The following GNB1L variants were observed in gnomAD, a reference collection of about 807,000 sequenced individuals.
GNB1L encodes the protein G protein subunit beta 1 like, also known as guanine nucleotide-binding protein subunit beta-like protein 1.
Under a neutral mutation model 29.1 loss-of-function variants are expected in GNB1L, and 20 were observed. The observed-to-expected ratio is 0.69, with a 90% CI of 0.48 to 1.00. The LOEUF (loss-of-function observed/expected upper bound fraction) is 1.00, where lower values mean the gene tolerates loss of function less well. Ranked by LOEUF, GNB1L falls within the 50% of genes least tolerant of loss-of-function variation. The probability of loss-of-function intolerance (pLI) is 0.00; values close to 1 mark genes in which losing one functional copy is unlikely to be tolerated. For synonymous variants in GNB1L, 193 were observed against 206.5 expected (o/e 0.93, Z 0.56); for missense variants, 421 against 464.9 (o/e 0.91, Z 0.87).
intron 2 of GNB1L, among the ~76,000 whole-genome samples, chr22:19,824,400 G>A (rs879929605): frequency 1.3e-5 from 2 of 152,216 alleles, no homozygotes; most frequent in African/African-American, 2.4e-5. Context: ...CCCAGCCCCG[G>A]CCCTGTCCTC....
intron 7 of GNB1L, among the ~76,000 whole-genome samples, chr22:19,789,408 A>T (rs1053514902): frequency 2.6e-5 from 4 of 152,140 alleles, no homozygotes; most frequent in African/African-American, 9.7e-5. Context: ...TGAGAAATAC[A>T]AACTCCATTT....
In GNB1L at chr22:19,788,973, G is replaced by C; in HGVS notation, c.733-13C>G. On this transcript the variant is annotated splice_polypyrimidine_tract_variant and intron_variant, in intron 7 of 7. Coordinates refer to ENST00000329517, the MANE Select transcript of GNB1L (RefSeq NM_053004.3). ...GAGTCCCACGCACCTGTGAGAGTTG[G>C]GAGAGGTGTTAGGCCACTCCTTAAG... 1.3e-6 allele frequency: 2 copies of C among 1,590,674 alleles called. No individual in the cohort carries two copies. Among genetic ancestry groups the C allele is most frequent in the Non-Finnish European group, 1.7e-6 (2 of 1,165,250 alleles).
At chr22:19,791,503 A>G (rs1311330595) in intron 7 of GNB1L, among the ~76,000 whole-genome samples, 2 of 152,246 alleles carry the variant, frequency 1.3e-5, no homozygotes, top group Non-Finnish European at 2.9e-5. Flanking sequence ...CATGAAGTCC[A>G]GGCAGAACAT....
intron 5 of GNB1L, among the ~76,000 whole-genome samples, chr22:19,806,969 C>G (rs1169144477): frequency 9.9e-5 from 15 of 152,188 alleles, no homozygotes; most frequent in Admixed American, 9.8e-4. Context: ...GGCAGCTGCC[C>G]CAGCCTCTCC....
chr22:19,830,370 T>C (rs970310762), intron 2 of GNB1L, among the ~76,000 whole-genome samples: 2 of 152,166 alleles, frequency 1.3e-5, no homozygotes, highest in Non-Finnish European at 2.9e-5. Context: ...CTATGTTATT[T>C]GTATACAATA....
intron 2 of GNB1L, chr22:19,852,506 G>C: frequency 1.9e-6 from 1 of 528,410 alleles, no homozygotes. Context: ...GACAAGGTGG[G>C]GAAGAGCAGG....
chr22:19,795,488 C>T (rs1019519648), intron 7 of GNB1L, among the ~76,000 whole-genome samples: 3 of 152,208 alleles, frequency 2.0e-5, no homozygotes, highest in Non-Finnish European at 2.9e-5. Flanking sequence ...GTGCACTCCC[C>T]GAGACACGCC....
At chr22:19,849,815 T>G in intron 2 of GNB1L, 1 of 985,486 alleles carries the variant, frequency 1.0e-6, no homozygotes, top group Non-Finnish European at 1.2e-6. Context: ...TGAAAGGGAC[T>G]TGAACTTCTT....
intron 2 of GNB1L, chr22:19,847,349 G>A (rs548367897): frequency 3.0e-6 from 3 of 985,310 alleles, no homozygotes; most frequent in Non-Finnish European, 3.6e-6. Context: ...AGCTTTATTT[G>A]CCTTGCTCCT....
At chr22:19,798,253 T>C (rs558826664) in intron 7 of GNB1L, among the ~76,000 whole-genome samples, 2 of 152,308 alleles carry the variant, frequency 1.3e-5, no homozygotes, top group African/African-American at 4.8e-5. Flanking sequence ...GTTCGCCGCC[T>C]GTGCTTGCAG....
At position 19,832,459 on chromosome 22, in the gene GNB1L, G is replaced by A. The variant is rs117890803; in HGVS notation, c.-20-11084C>T. Among the ~76,000 whole-genome samples, 10 of 152,314 alleles carry A rather than the reference G, an allele frequency of 6.6e-5. No individual in the cohort carries two copies. In the East Asian group the frequency reaches 1.3e-3, roughly 21 times the overall value. On this transcript the variant is annotated intron_variant, in intron 2 of 7. Coordinates refer to ENST00000329517, the MANE Select transcript of GNB1L (RefSeq NM_053004.3). Reference sequence around the variant, plus strand: ...CAGAGACATGTTTCCTAGGTTATTCGTATGTGTGTTTTGGGGTGCTGCCCT... The same window carrying A: ...CAGAGACATGTTTCCTAGGTTATTCATATGTGTGTTTTGGGGTGCTGCCCT...
intron 7 of GNB1L, among the ~76,000 whole-genome samples, chr22:19,801,463 G>A (rs558643071): frequency 1.3e-4 from 20 of 152,206 alleles, no homozygotes; most frequent in African/African-American, 4.1e-4. Flanking sequence ...GGGACACCAC[G>A]GTGCCCCTCG....
intron 7 of GNB1L, among the ~76,000 whole-genome samples, chr22:19,794,388 G>T (rs1937283766): frequency 6.6e-6 from 1 of 152,310 alleles, no homozygotes; most frequent in East Asian, 1.9e-4. Context: ...TTGTGAGGCG[G>T]GATGTAAACA....
chr22:19,817,947 T>C (rs930126853), intron 4 of GNB1L, among the ~76,000 whole-genome samples: 1 of 152,224 alleles, frequency 6.6e-6, no homozygotes, highest in Non-Finnish European at 1.5e-5. Flanking sequence ...GTCCTTGGCA[T>C]GCGGGAGGCT....
chr22:19,826,510 G>A (rs1937620696), intron 2 of GNB1L, among the ~76,000 whole-genome samples: 3 of 152,144 alleles, frequency 2.0e-5, no homozygotes, highest in African/African-American at 7.2e-5. Context: ...ATAAGGCAAG[G>A]GTGCTTAACG....
chr22:19,808,945 G>A (rs1185576691), intron 5 of GNB1L, among the ~76,000 whole-genome samples: 1 of 152,088 alleles, frequency 6.6e-6, no homozygotes, highest in Non-Finnish European at 1.5e-5. Context: ...CTGGGAGGGT[G>A]TAGACCACAC....
At chr22:19,807,845 A>G (rs1937453929) in intron 5 of GNB1L, among the ~76,000 whole-genome samples, 1 of 152,160 alleles carries the variant, frequency 6.6e-6, no homozygotes, top group Non-Finnish European at 1.5e-5. Flanking sequence ...ACCCACACAG[A>G]ATAGGCCCGG....
At chr22:19,806,603 G>C in intron 6 of GNB1L, 56 bp downstream of exon 6, 1 of 1,061,048 alleles carries the variant, frequency 9.4e-7, no homozygotes, top group South Asian at 1.4e-5. Flanking sequence ...AATGGAGCAT[G>C]ACTCATGGCC....
At chr22:19,848,008 T>G in intron 2 of GNB1L, 1 of 985,294 alleles carries the variant, frequency 1.0e-6, no homozygotes, top group Non-Finnish European at 1.2e-6. Flanking sequence ...GTACTAAATT[T>G]CCATATTTAT....
Sources: allele counts gnomAD v4.1 joint callset (sites outside exome capture counted in the v4.1 genomes callset), GRCh38; gene constraint gnomAD v4.1.1; transcripts MANE v1.5; gene names NCBI Gene and HGNC (gene_info 2026-07-23, HGNC 2026-07-21).